The following CREB3L2 variants were observed in gnomAD, a reference collection of about 807,000 sequenced individuals.
The protein encoded by CREB3L2 is cyclic AMP-responsive element-binding protein 3-like protein 2.
A neutral mutation model predicts 57.2 loss-of-function variants in CREB3L2; 23 were observed. The ratio of observed to expected loss-of-function variants is 0.40; its 90% CI spans 0.29 to 0.57. CREB3L2 has a LOEUF of 0.57. CREB3L2 is among the 20% of genes least tolerant of loss of function. The probability of loss-of-function intolerance (pLI) is 0.42; values close to 1 mark genes in which losing one functional copy is unlikely to be tolerated. For missense variants in CREB3L2, 628 were observed against 634.7 expected (o/e 0.99, Z 0.11); for synonymous variants, 268 against 265.1 (o/e 1.01, Z -0.11).
intron 1 of CREB3L2, chr7:137,935,727 A>T (rs1800766593): frequency 6.6e-6 from 1 of 152,296 alleles, no homozygotes; most frequent in South Asian, 2.1e-4. Context: ...GAAATAGAAG[A>T]TAAATCCAAA....
In CREB3L2 at chr7:137,880,602, AC is replaced by A. The variant is rs1374202353; in HGVS notation, c.1488-52del. ...AAGTATTAGTCACCAGCTGTTAGCT[AC>A]AATTCTCATGCTTTGTAGCGTGATG... On this transcript the variant is annotated intron_variant, in intron 11 of 11. Transcript: ENST00000330387. This position sits in a 1 kb window ranked among gnomAD's most constrained non-coding sequence, Gnocchi z 4.0. 2.1e-6 allele frequency: 3 copies of A among 1,408,428 alleles called. No individual in the cohort carries two copies. The highest frequency in any genetic ancestry group is 3.0e-6 in the Non-Finnish European group (3 of 994,968). 87.2% of individuals were successfully genotyped at this position (1,408,428 alleles called of 1,614,324 possible).
In CREB3L2 at chr7:137,878,194, C is replaced by T. The variant is rs927489243; in HGVS notation, c.*2282G>A. 8 of 231,896 alleles carry T rather than the reference C, an allele frequency of 3.4e-5. No individual in the cohort carries two copies. In the East Asian group the frequency reaches 4.9e-4, roughly 14 times the overall value. 14.4% of individuals were successfully genotyped at this position (231,896 alleles called of 1,614,324 possible). On this transcript the variant is annotated 3_prime_UTR_variant, in exon 12 of 12. Transcript: ENST00000330387. ...ATCCTCAAAGCACTAAGGACAGGGGCTAGAAGTTTCCTTTATCTTCTCCCT... is the reference window on the plus strand; with the variant it reads ...ATCCTCAAAGCACTAAGGACAGGGGTTAGAAGTTTCCTTTATCTTCTCCCT...
intron 1 of CREB3L2, among the ~76,000 whole-genome samples, chr7:137,966,071 G>C (rs1364215313): frequency 2.0e-5 from 3 of 152,144 alleles, no homozygotes; most frequent in African/African-American, 7.2e-5. Context: ...GAAGGAATCT[G>C]ATGTTCACTG....
chr7:137,923,431 A>G (rs1207403823), intron 2 of CREB3L2, among the ~76,000 whole-genome samples: 1 of 152,166 alleles, frequency 6.6e-6, no homozygotes, highest in African/African-American at 2.4e-5. Context: ...GTCCTCCCCA[A>G]TCACTGTCAG....
intron 1 of CREB3L2, among the ~76,000 whole-genome samples, chr7:137,995,937 A>C (rs6967279): frequency 6.6e-6 from 1 of 152,206 alleles, no homozygotes; most frequent in Admixed American, 6.5e-5. Context: ...TCATGAGAAC[A>C]ATTTCAGAGA....
chr7:137,922,384 G>GTGTATA (rs1222708681), intron 2 of CREB3L2, among the ~76,000 whole-genome samples: 8 of 19,582 alleles, frequency 4.1e-4, no homozygotes, highest in Non-Finnish European at 5.8e-4. Context: ...ATATATATAT[G>GTGTATA]TATATATATA....
intron 1 of CREB3L2, among the ~76,000 whole-genome samples, chr7:137,930,194 G>A (rs543018645): frequency 1.3e-5 from 2 of 152,240 alleles, no homozygotes; most frequent in Non-Finnish European, 2.9e-5. Flanking sequence ...ACTGTGCCCG[G>A]CCAATAAAAT....
chr7:137,997,194 T>C (rs986230125), intron 1 of CREB3L2, among the ~76,000 whole-genome samples: 1 of 152,110 alleles, frequency 6.6e-6, no homozygotes, highest in Admixed American at 6.5e-5. Flanking sequence ...TCTAGTCCAG[T>C]TTTACATGGT....
In CREB3L2 at chr7:137,876,670, C is replaced by T. The variant is rs1355224223; in HGVS notation, c.*3806G>A. ...TATGGATAGTCTCACCTGAAGGTGG[C>T]CAAATAAAATGACTCTCAAGAGGGC... On this transcript the variant is annotated 3_prime_UTR_variant, in exon 12 of 12. Coordinates refer to ENST00000330387, the MANE Select transcript of CREB3L2 (RefSeq NM_194071.4). 5 of 232,430 alleles carry T rather than the reference C, an allele frequency of 2.2e-5. No individual in the cohort carries two copies. The highest frequency in any genetic ancestry group is 4.2e-5 in the Non-Finnish European group (5 of 117,712). The allele number at this position is 232,430 out of a possible 1,614,324, so 14.4% of individuals were successfully genotyped here.
chr7:137,904,838 G>GA (rs58779744), intron 6 of CREB3L2, among the ~76,000 whole-genome samples: 67,136 of 136,786 alleles, frequency 0.49, 19,605 homozygotes, highest in Non-Finnish European at 0.66. Context: ...GACTCTGTAT[G>GA]AAAAAAAAAA....
chr7:137,947,015 T>TAC (rs1801009256), intron 1 of CREB3L2, among the ~76,000 whole-genome samples: 1 of 126,500 alleles, frequency 7.9e-6, no homozygotes, highest in African/African-American at 3.7e-5. Context: ...TATATATAGT[T>TAC]ATATATATAT....
At chr7:137,967,166 C>A (rs971473183) in intron 1 of CREB3L2, among the ~76,000 whole-genome samples, 2 of 152,230 alleles carry the variant, frequency 1.3e-5, no homozygotes, top group Non-Finnish European at 1.5e-5. Context: ...AGGAAGCGGG[C>A]GCTCACCAGA....
Position 137,972,691 on chromosome 7 carries a change from A to AC in CREB3L2, c.102+28912_102+28913insG, listed in dbSNP as rs1179117960. Among the ~76,000 whole-genome samples, 51 of 33,468 alleles carry AC rather than the reference A, an allele frequency of 1.5e-3. 1 individual carries two copies. The highest frequency in any genetic ancestry group is 6.8e-3 in the South Asian group (6 of 886). The allele number at this position is 33,468 out of a possible 152,430, so 22.0% of individuals were successfully genotyped here. On this transcript the variant is annotated intron_variant, in intron 1 of 11. Transcript: ENST00000330387. ...GTGAGATCCCCGTCTCTACAAAAAAAAAAAAAAAAAAAAAAAAAAAAATAT... is the reference window on the plus strand; with the variant it reads ...GTGAGATCCCCGTCTCTACAAAAAAACAAAAAAAAAAAAAAAAAAAAAATAT...
In CREB3L2 at chr7:138,001,552, A is replaced by G; in HGVS notation, c.102+52T>C. 1 of 1,251,062 alleles carries G rather than the reference A, an allele frequency of 8.0e-7. No homozygotes were observed. The highest frequency in any genetic ancestry group is 1.1e-6 in the Non-Finnish European group (1 of 904,528). The allele number at this position is 1,251,062 out of a possible 1,614,324, so 77.5% of individuals were successfully genotyped here. ...CAGGACTCCAGCTGCTCCTCGCGTGACAACACTTGCCCGCTTTGAAAGCCC... is the reference window on the plus strand; with the variant it reads ...CAGGACTCCAGCTGCTCCTCGCGTGGCAACACTTGCCCGCTTTGAAAGCCC... On this transcript the variant is annotated intron_variant, in intron 1 of 11. Coordinates refer to ENST00000330387, the MANE Select transcript of CREB3L2 (RefSeq NM_194071.4). The surrounding 1 kb of genome is among the most constrained non-coding windows in gnomAD (Gnocchi z 4.2).
chr7:137,888,409 C>T (rs946564680), intron 8 of CREB3L2, among the ~76,000 whole-genome samples: 3 of 152,114 alleles, frequency 2.0e-5, no homozygotes, highest in African/African-American at 7.2e-5. Flanking sequence ...AACTTTTTCT[C>T]TGTTCTCCCA....
intron 1 of CREB3L2, among the ~76,000 whole-genome samples, chr7:137,971,382 G>A (rs1202915017): frequency 2.6e-5 from 4 of 151,924 alleles, no homozygotes; most frequent in East Asian, 1.9e-4. Flanking sequence ...CCTGGGAGGC[G>A]GAGCTTGCAG....
chr7:137,903,839 C>A lies in CREB3L2; in HGVS notation c.974+120G>T. 6.0e-6 allele frequency: 5 copies of A among 830,196 alleles called. No homozygotes were observed. The East Asian group carries it at 7.3e-5, about 12-fold the overall frequency. The allele number at this position is 830,196 out of a possible 1,614,324, so 51.4% of individuals were successfully genotyped here. A position where few individuals can be genotyped will look rare whatever the true frequency, so the allele number is the denominator to read the frequency against. On this transcript the variant is annotated intron_variant, in intron 7 of 11. Coordinates refer to ENST00000330387, the MANE Select transcript of CREB3L2 (RefSeq NM_194071.4). ...TGGCAGGCAAACCACAGCTGATAAA[C>A]CACCGGGTTTCCAAGGTGGCCAGAA... is the stretch of plus-strand genomic sequence containing the variant.
intron 1 of CREB3L2, among the ~76,000 whole-genome samples, chr7:137,983,786 G>C (rs1302159637): frequency 6.6e-6 from 1 of 152,178 alleles, no homozygotes; most frequent in East Asian, 1.9e-4. Context: ...TCAGGGGCAG[G>C]GACTGAGTCT....
At chr7:137,918,761 A>C (rs1800206153) in intron 2 of CREB3L2, among the ~76,000 whole-genome samples, 1 of 151,994 alleles carries the variant, frequency 6.6e-6, no homozygotes, top group Non-Finnish European at 1.5e-5. Context: ...AAGTGAATAC[A>C]AAAAACAAAA....
Sources: gnomAD v4.1 joint callset for allele counts (sites outside exome capture counted in the v4.1 genomes callset) on GRCh38, gnomAD v4.1.1 for gene constraint, Gnocchi (gnomAD v3.1) non-coding constraint, MANE v1.5 for transcripts, NCBI Gene and HGNC (gene_info 2026-07-23, HGNC 2026-07-21) for gene names.